SPRY3: variants seen among roughly 807,000 people sequenced by gnomAD.
SPRY3 encodes protein sprouty homolog 3.
In SPRY3, 15 loss-of-function variants were observed where a neutral mutation model predicts 20.2. That is an observed-to-expected ratio of 0.74 (90% CI 0.50 to 1.14). The LOEUF is 1.14. Among genes scored for constraint, SPRY3 ranks in the 50% most tolerant of loss-of-function variants. The pLI is 0.00. For missense variants in SPRY3, 364 were observed against 363.9 expected (o/e 1.00, Z 0.00); for synonymous variants, 143 against 136.5 (o/e 1.05, Z -0.33).
chrX:155,768,157 C>T (rs1200973065), intron 3 of SPRY3, 21 bp downstream of exon 2: 1 of 151,908 alleles, frequency 6.6e-6, no homozygotes, highest in East Asian at 2.0e-4. Flanking sequence ...GAAATTAGCT[C>T]TTTAAAAACC....
chrX:155,752,334 G>A (rs753307912), intron 2 of SPRY3, among the ~76,000 whole-genome samples: 91 of 150,210 alleles, frequency 6.1e-4, no homozygotes, highest in African/African-American at 2.1e-3. Flanking sequence ...AAAAAAAAAA[G>A]CACAAGGAGA....
intron 1 of SPRY3, among the ~76,000 whole-genome samples, chrX:155,615,494 T>G (rs1472981873): frequency 1.8e-5 from 2 of 112,368 alleles, no homozygotes; most frequent in African/African-American, 6.5e-5. Flanking sequence ...TAGTGATCTT[T>G]GAAAGAGTTA....
exon 4 of SPRY3, chrX:155,775,045 G>A (rs1192533943): frequency 5.6e-5 from 26 of 464,010 alleles, no homozygotes; most frequent in African/African-American, 1.4e-4. Flanking sequence ...GGCCAGCAAC[G>A]TGGAGGTTTA....
chrX:155,725,046 C>T (rs143052249), intron 2 of SPRY3, among the ~76,000 whole-genome samples: 4,483 of 152,140 alleles, frequency 0.029, 83 homozygotes, highest in Non-Finnish European at 0.042. Flanking sequence ...TGAATTTTGT[C>T]GAAGGACTTT....
intron 2 of SPRY3, among the ~76,000 whole-genome samples, chrX:155,667,667 A>G (rs782480516): frequency 2.7e-5 from 3 of 111,182 alleles, no homozygotes; most frequent in African/African-American, 9.8e-5. Context: ...CATACCATTA[A>G]TAGAGAGAAA....
intron 2 of SPRY3, among the ~76,000 whole-genome samples, chrX:155,707,762 G>A (rs2090961497): frequency 1.3e-5 from 2 of 150,840 alleles, no homozygotes; most frequent in African/African-American, 4.8e-5. Context: ...TAACATGCAT[G>A]GTATGTATTT....
chrX:155,771,360 C>T, intron 3 of SPRY3, among the ~76,000 whole-genome samples: 1 of 152,074 alleles, frequency 6.6e-6, no homozygotes, highest in East Asian at 1.9e-4. Flanking sequence ...TAGTGACATC[C>T]CTAGAATCCT....
intron 1 of SPRY3, among the ~76,000 whole-genome samples, chrX:155,641,292 T>G (rs368251112): frequency 5.3e-5 from 6 of 112,247 alleles, no homozygotes; most frequent in African/African-American, 1.3e-4. Context: ...TAAATTATCT[T>G]TTTAATGTTT....
Position 155,751,313 on chromosome X carries a change from A to G in SPRY3, c.-281-16649A>G, listed in dbSNP as rs1206513970. Among the ~76,000 whole-genome samples, 3 of 151,876 alleles carry G rather than the reference A, an allele frequency of 2.0e-5. No individual in the cohort carries two copies. The East Asian group carries it at 5.8e-4, about 29-fold the overall frequency. On this transcript the variant is annotated intron_variant, in intron 2 of 3. Coordinates refer to ENST00000675360, the Ensembl canonical transcript of SPRY3. ...GATAAGAAAAACTGTTGCTCCTACA[A>G]TTAGATGCCAAGAAATTGGCTTTAC...
chrX:155,749,554 AT>A lies in SPRY3; in HGVS notation c.-281-18405del, dbSNP rs1427954237. 3.3e-5 allele frequency among the ~76,000 whole-genome samples: 5 copies of A among 151,988 alleles called. No individual in the cohort carries two copies. In the East Asian group the frequency reaches 9.7e-4, roughly 29 times the overall value. ...GCAAAAGGAACACAAAATAAAAAAA[AT>A]TTGAGGTGGAAGTATCTGGGGGTTT... On this transcript the variant is annotated intron_variant, in intron 2 of 3. Transcript: ENST00000675360.
At chrX:155,672,269 G>C (rs782511612) in intron 2 of SPRY3, among the ~76,000 whole-genome samples, 1 of 110,461 alleles carries the variant, frequency 9.1e-6, no homozygotes, top group South Asian at 3.8e-4. Context: ...CCATCAGAGT[G>C]AACAGACAAC....
chrX:155,730,708 G>A (rs1222156595), intron 2 of SPRY3, among the ~76,000 whole-genome samples: 27 of 152,088 alleles, frequency 1.8e-4, no homozygotes, highest in Non-Finnish European at 1.5e-5. Flanking sequence ...AATTGGAAAG[G>A]AGGAAGTTAA....
intron 2 of SPRY3, among the ~76,000 whole-genome samples, chrX:155,760,657 G>A (rs1030381508): frequency 5.9e-5 from 9 of 152,084 alleles, no homozygotes; most frequent in East Asian, 1.9e-4. Flanking sequence ...AAACTTTTCC[G>A]CCTCAGATTG....
At chrX:155,735,736 A>AACTAT (rs2091164157) in intron 2 of SPRY3, among the ~76,000 whole-genome samples, 1 of 151,960 alleles carries the variant, frequency 6.6e-6, no homozygotes, top group Non-Finnish European at 1.5e-5. Flanking sequence ...GACAACATAT[A>AACTAT]GTTGGTTCTT....
chrX:155,671,979 G>A (rs1367820982), intron 2 of SPRY3, among the ~76,000 whole-genome samples: 1 of 110,765 alleles, frequency 9.0e-6, no homozygotes, highest in East Asian at 2.9e-4. Context: ...TTATTTCTGA[G>A]GGCTGTGTTC....
intron 2 of SPRY3, among the ~76,000 whole-genome samples, chrX:155,748,040 T>C (rs1490673913): frequency 6.6e-6 from 1 of 151,890 alleles, no homozygotes; most frequent in Non-Finnish European, 1.5e-5. Flanking sequence ...GTTTTGGAAC[T>C]GGTGTGTGGA....
chrX:155,724,457 T>A (rs1471775315), intron 2 of SPRY3, among the ~76,000 whole-genome samples: 1 of 152,162 alleles, frequency 6.6e-6, no homozygotes, highest in African/African-American at 2.4e-5. Flanking sequence ...CTCTTTTATT[T>A]CGTTGAGCAG....
intron 2 of SPRY3, among the ~76,000 whole-genome samples, chrX:155,720,215 T>A (rs941223359): frequency 2.0e-5 from 3 of 152,118 alleles, no homozygotes; most frequent in Non-Finnish European, 4.4e-5. Context: ...CCTTTGAATT[T>A]GGAAACGGGA....
At chrX:155,630,940 A>AT (rs1318718252) in intron 1 of SPRY3, among the ~76,000 whole-genome samples, 7 of 106,719 alleles carry the variant, frequency 6.6e-5, no homozygotes, top group South Asian at 4.0e-4. Context: ...CTTTGATTGT[A>AT]TTTTTTTTTA....
Sources: gnomAD v4.1 joint callset for allele counts (sites outside exome capture counted in the v4.1 genomes callset) on GRCh38, gnomAD v4.1.1 for gene constraint, MANE v1.5 for transcripts, NCBI Gene and HGNC (gene_info 2026-07-23, HGNC 2026-07-21) for gene names.